The following PTPRR variants were observed in gnomAD, a reference collection of about 807,000 sequenced individuals.
PTPRR encodes the protein protein tyrosine phosphatase receptor type R.
A neutral mutation model predicts 77.2 loss-of-function variants in PTPRR; 38 were observed. The ratio of observed to expected loss-of-function variants is 0.49; its 90% CI spans 0.38 to 0.65. The LOEUF (loss-of-function observed/expected upper bound fraction) is 0.65. PTPRR is among the 30% of genes least tolerant of loss of function. PTPRR has a pLI of 0.00. For missense variants in PTPRR, 744 were observed against 799.2 expected (o/e 0.93, Z 0.83); for synonymous variants, 299 against 283.1 (o/e 1.06, Z -0.57).
intron 2 of PTPRR, among the ~76,000 whole-genome samples, chr12:70,855,636 G>C (rs142479075): frequency 6.6e-6 from 1 of 152,254 alleles, no homozygotes; most frequent in African/African-American, 2.4e-5. Flanking sequence ...TAGCTTCTTA[G>C]ACCTATGCCA....
intron 6 of PTPRR, among the ~76,000 whole-genome samples, chr12:70,708,896 C>T (rs923652429): frequency 6.6e-6 from 1 of 151,716 alleles, no homozygotes; most frequent in African/African-American, 2.4e-5. Flanking sequence ...TCTCTTTATG[C>T]AATCAACTAC....
intron 2 of PTPRR, among the ~76,000 whole-genome samples, chr12:70,783,872 GGGGC>G (rs1376976347): frequency 0.029 from 2,047 of 71,314 alleles, 121 homozygotes; most frequent in African/African-American, 0.17. Context: ...ACGGGGGGGG[GGGGC>G]GGGGGGCGGG....
intron 6 of PTPRR, among the ~76,000 whole-genome samples, chr12:70,742,758 C>G (rs1217574594): frequency 6.6e-6 from 1 of 151,924 alleles, no homozygotes; most frequent in African/African-American, 2.4e-5. Flanking sequence ...ATCCTGAGTT[C>G]TCAGTGGGAT....
intron 2 of PTPRR, among the ~76,000 whole-genome samples, chr12:70,790,851 A>G (rs1374767446): frequency 1.3e-5 from 2 of 152,136 alleles, no homozygotes; most frequent in Non-Finnish European, 2.9e-5. Flanking sequence ...CAAAAACAAG[A>G]GACAAAAAAC....
intron 2 of PTPRR, among the ~76,000 whole-genome samples, chr12:70,876,515 T>A (rs1893054831): frequency 6.6e-6 from 1 of 152,176 alleles, no homozygotes; most frequent in Admixed American, 6.5e-5. Context: ...GTTATACCTA[T>A]GACATATTAA....
At chr12:70,858,260 TC>T (rs951425439) in intron 2 of PTPRR, among the ~76,000 whole-genome samples, 10 of 152,102 alleles carry the variant, frequency 6.6e-5, no homozygotes, top group African/African-American at 2.4e-4. Context: ...CTATTTCTGC[TC>T]CCTTTCCCCA....
At chr12:70,848,215 C>T (rs905706498) in intron 2 of PTPRR, among the ~76,000 whole-genome samples, 3 of 152,192 alleles carry the variant, frequency 2.0e-5, no homozygotes, top group Non-Finnish European at 2.9e-5. Context: ...TGTAGACAAT[C>T]GTACTAGCAC....
intron 2 of PTPRR, among the ~76,000 whole-genome samples, chr12:70,866,867 G>A (rs1303472314): frequency 2.6e-5 from 4 of 151,970 alleles, no homozygotes; most frequent in African/African-American, 4.8e-5. Context: ...GGGATGCAAG[G>A]CTGGTTCAAC....
At chr12:70,797,122 C>G (rs928189558) in intron 2 of PTPRR, among the ~76,000 whole-genome samples, 1 of 152,124 alleles carries the variant, frequency 6.6e-6, no homozygotes, top group Non-Finnish European at 1.5e-5. Flanking sequence ...CTCTTTCAAG[C>G]TCTCTCTTTG....
intron 2 of PTPRR, among the ~76,000 whole-genome samples, chr12:70,775,419 A>C (rs1210315439): frequency 6.6e-6 from 1 of 152,218 alleles, no homozygotes; most frequent in Non-Finnish European, 1.5e-5. Context: ...GGATTGATGA[A>C]ATGTAGCACT....
At chr12:70,884,301 G>C (rs191692076) in intron 2 of PTPRR, among the ~76,000 whole-genome samples, 2 of 152,094 alleles carry the variant, frequency 1.3e-5, no homozygotes, top group Non-Finnish European at 2.9e-5. Context: ...TTAGCAGTGA[G>C]ATTTTTAACT....
At chr12:70,760,256 C>A (rs1890662270) in intron 4 of PTPRR, among the ~76,000 whole-genome samples, 1 of 152,186 alleles carries the variant, frequency 6.6e-6, no homozygotes, top group South Asian at 2.1e-4. Flanking sequence ...TGATACCATG[C>A]AAAGGCAGAC....
chr12:70,662,987 T>C (rs1477316868), intron 10 of PTPRR, among the ~76,000 whole-genome samples: 1 of 152,172 alleles, frequency 6.6e-6, no homozygotes, highest in African/African-American at 2.4e-5. Flanking sequence ...TATCATGTGC[T>C]GACTAGAAAT....
intron 12 of PTPRR, among the ~76,000 whole-genome samples, chr12:70,659,201 C>T (rs187825985): frequency 7.9e-5 from 12 of 152,160 alleles, no homozygotes; most frequent in Admixed American, 2.0e-4. Context: ...CCGCACCTGG[C>T]CCATTGACAA....
chr12:70,766,917 C>G (rs989304793), intron 2 of PTPRR, among the ~76,000 whole-genome samples: 8 of 151,990 alleles, frequency 5.3e-5, no homozygotes, highest in Non-Finnish European at 8.8e-5. Flanking sequence ...CCAAGCTAAG[C>G]TTCATAAGTG....
At chr12:70,704,325 G>A (rs1237332405) in intron 6 of PTPRR, among the ~76,000 whole-genome samples, 23 of 152,116 alleles carry the variant, frequency 1.5e-4, no homozygotes, top group Admixed American at 1.0e-3. Context: ...GGATGAGGCC[G>A]GAAGATTGCT....
chr12:70,755,856 G>A (rs1312442759), intron 4 of PTPRR, among the ~76,000 whole-genome samples: 1 of 151,964 alleles, frequency 6.6e-6, no homozygotes, highest in Non-Finnish European at 1.5e-5. Context: ...CAGCCATATC[G>A]TTTTTTTAAA....
chr12:70,680,088 T>C (rs1412444109), intron 10 of PTPRR, among the ~76,000 whole-genome samples: 2 of 152,218 alleles, frequency 1.3e-5, no homozygotes, highest in African/African-American at 2.4e-5. Flanking sequence ...CTGGGGCTTA[T>C]GTAAAAAGAA....
At chr12:70,644,770 T>A (rs968711810) in intron 13 of PTPRR, among the ~76,000 whole-genome samples, 8 of 152,158 alleles carry the variant, frequency 5.3e-5, no homozygotes, top group African/African-American at 1.4e-4. Flanking sequence ...CAAGAGCAAA[T>A]CTGGCAGAGG....
Sources: gnomAD v4.1 joint callset for allele counts (sites outside exome capture counted in the v4.1 genomes callset) on GRCh38, gnomAD v4.1.1 for gene constraint, MANE v1.5 for transcripts, NCBI Gene and HGNC (gene_info 2026-07-23, HGNC 2026-07-21) for gene names.